E2F5: variants seen among roughly 807,000 people sequenced by gnomAD.
E2F5 encodes transcription factor E2F5.
In E2F5, 23 loss-of-function variants were observed where a neutral mutation model predicts 39.1. That is an observed-to-expected ratio of 0.59 (90% CI 0.42 to 0.83). E2F5 has a LOEUF of 0.83. E2F5 is among the 40% of genes least tolerant of loss of function. E2F5 has a pLI of 0.00. For missense variants in E2F5, 365 were observed against 406.7 expected (o/e 0.90, Z 0.88); for synonymous variants, 145 against 157.8 (o/e 0.92, Z 0.61).
intron 3 of E2F5, 96 bp from the exon 4 acceptor site, chr8:85,206,081 A>G (rs928137028): frequency 7.7e-6 from 9 of 1,166,180 alleles, no homozygotes; most frequent in Non-Finnish European, 2.5e-6. Flanking sequence ...CTCTGTGCAT[A>G]TGGTCATTTA....
At chr8:85,213,673 G>GT in intron 7 of E2F5, 80 bp from the exon 8 acceptor site, 1 of 707,950 alleles carries the variant, frequency 1.4e-6, no homozygotes. Context: ...TTGGAATGAT[G>GT]TATTTGAGAG....
At position 85,203,078 on chromosome 8, in the gene E2F5, C is replaced by G; in HGVS notation, c.345-16C>G. 2 of 1,452,804 alleles carry G rather than the reference C, an allele frequency of 1.4e-6. No homozygotes were observed. Among genetic ancestry groups the G allele is most frequent in the Non-Finnish European group, 1.8e-6 (2 of 1,098,644 alleles). The allele number at this position is 1,452,804 out of a possible 1,614,324, so 90.0% of individuals were successfully genotyped here. On this transcript the variant is annotated splice_polypyrimidine_tract_variant and intron_variant, in intron 2 of 7. Transcript: ENST00000416274. ...AGATCTGATACTGAGGATATTAATT[C>G]TCATATGTTTTTAAGAGGTGTAGGT...
chr8:85,195,392 A>G (rs1812559807), intron 1 of E2F5, among the ~76,000 whole-genome samples: 2 of 152,222 alleles, frequency 1.3e-5, no homozygotes, highest in African/African-American at 4.8e-5. Context: ...CAAAAAAAAG[A>G]AAAAGTAGGT....
intron 4 of E2F5, 62 bp downstream of exon 4, chr8:85,206,282 C>G: frequency 2.7e-6 from 4 of 1,493,462 alleles, no homozygotes; most frequent in Middle Eastern, 1.7e-4. Context: ...GAGGGTGATT[C>G]AGAATTCCCT....
At chr8:85,179,808 C>T (rs970295171) in intron 1 of E2F5, among the ~76,000 whole-genome samples, 19 of 151,850 alleles carry the variant, frequency 1.3e-4, no homozygotes, top group African/African-American at 4.3e-4. Flanking sequence ...TACAGGCGCC[C>T]GCCAGCGCAC....
intron 1 of E2F5, among the ~76,000 whole-genome samples, chr8:85,179,869 C>A (rs1812162340): frequency 6.6e-6 from 1 of 152,106 alleles, no homozygotes; most frequent in African/African-American, 2.4e-5. Flanking sequence ...ACTGTGTTAG[C>A]TAGGATGGTC....
chr8:85,183,828 T>A (rs1812272668), intron 1 of E2F5, among the ~76,000 whole-genome samples: 1 of 152,146 alleles, frequency 6.6e-6, no homozygotes, highest in African/African-American at 2.4e-5. Context: ...AGGCCTTACC[T>A]CCATACATCA....
chr8:85,201,632 T>C (rs1325554138), intron 1 of E2F5, among the ~76,000 whole-genome samples: 1 of 152,238 alleles, frequency 6.6e-6, no homozygotes, highest in Admixed American at 6.5e-5. Context: ...TTCCTCTGTT[T>C]TCGTTATTAA....
intron 7 of E2F5, chr8:85,212,918 C>CTGTCATCCAGGCTGGCG (rs1554684625): frequency 4.8e-5 from 7 of 144,528 alleles, no homozygotes; most frequent in African/African-American, 1.8e-4. Context: ...GAGTCTCCCT[C>CTGTCATCCAGGCTGGCG]TGTCATCCAG....
At chr8:85,211,929 C>T (rs1206216202) in intron 6 of E2F5, among the ~76,000 whole-genome samples, 1 of 151,998 alleles carries the variant, frequency 6.6e-6, no homozygotes, top group Non-Finnish European at 1.5e-5. Flanking sequence ...AAGCATGAGC[C>T]ACCATGCCTG....
At chr8:85,186,510 T>C (rs1057297074) in intron 1 of E2F5, among the ~76,000 whole-genome samples, 1 of 150,738 alleles carries the variant, frequency 6.6e-6, no homozygotes, top group Non-Finnish European at 1.5e-5. Flanking sequence ...TGTGTGTATG[T>C]GTGTGTGTAT....
Position 85,213,748 on chromosome 8 carries a change from C to A in E2F5, c.932-5C>A. ...TTTAACACTAAATTTGTTTTTTGTT[C>A]GCAGTGTTTCCTCTCTTAAGGCTTT... On this transcript the variant is annotated splice_region_variant and splice_polypyrimidine_tract_variant and intron_variant, in intron 7 of 7. Transcript: ENST00000416274. The A allele has an allele frequency of 6.4e-7, 1 of 1,565,144 alleles. No homozygotes were observed.
intron 1 of E2F5, among the ~76,000 whole-genome samples, chr8:85,196,371 A>G (rs1812580329): frequency 6.6e-6 from 1 of 152,120 alleles, no homozygotes; most frequent in African/African-American, 2.4e-5. Context: ...TTTAAACCTC[A>G]TTCTATAAAG....
intron 1 of E2F5, among the ~76,000 whole-genome samples, chr8:85,188,307 C>T (rs1812386087): frequency 7.5e-6 from 1 of 133,028 alleles, no homozygotes; most frequent in South Asian, 2.4e-4. Flanking sequence ...TGTGTTACTC[C>T]TTAGCATCCT....
chr8:85,179,905 G>C (rs943286946), intron 1 of E2F5, among the ~76,000 whole-genome samples: 16 of 152,214 alleles, frequency 1.1e-4, no homozygotes, highest in South Asian at 4.1e-4. Flanking sequence ...TGTGATCCAC[G>C]CGCCTCGGCC....
chr8:85,203,489 A>G (rs958743921), intron 3 of E2F5, among the ~76,000 whole-genome samples: 7 of 152,122 alleles, frequency 4.6e-5, no homozygotes. Flanking sequence ...GGGGAAAAAG[A>G]GATTAGCCAA....
intron 1 of E2F5, 107 bp from the exon 2 acceptor site, chr8:85,202,040 G>A: frequency 2.3e-6 from 2 of 869,594 alleles, no homozygotes; most frequent in South Asian, 1.5e-5. Context: ...CAACTGAGTG[G>A]GTCAAATTTG....
chr8:85,199,344 G>C (rs1235930085), intron 1 of E2F5, among the ~76,000 whole-genome samples: 1 of 152,096 alleles, frequency 6.6e-6, no homozygotes, highest in Non-Finnish European at 1.5e-5. Context: ...TTGTCAGAGA[G>C]CTCTTTCCCT....
Position 85,184,919 on chromosome 8 carries a change from T to C in E2F5, c.234+7265T>C, listed in dbSNP as rs185237867. 8.1e-3 allele frequency among the ~76,000 whole-genome samples: 1,233 copies of C among 152,296 alleles called. 5 individuals are homozygous for C. Among genetic ancestry groups the C allele is most frequent in the Non-Finnish European group, 0.011 (782 of 68,024 alleles). On this transcript the variant is annotated intron_variant, in intron 1 of 7. Transcript: ENST00000416274. ...TCATGGATAGGAAGAATCAATATCA[T>C]GAACATGGCCATACTGCCCAAAGTA... is the stretch of plus-strand genomic sequence containing the variant.
Sources: gnomAD v4.1 joint callset for allele counts (sites outside exome capture counted in the v4.1 genomes callset) on GRCh38, gnomAD v4.1.1 for gene constraint, MANE v1.5 for transcripts, NCBI Gene and HGNC (gene_info 2026-07-23, HGNC 2026-07-21) for gene names.